COL14A1: variants seen among roughly 807,000 people sequenced by gnomAD.
The protein encoded by COL14A1 is collagen type XIV alpha 1 chain.
In COL14A1, 136 loss-of-function variants were observed where a neutral mutation model predicts 230.3. That is an observed-to-expected ratio of 0.59 (90% confidence interval 0.51 to 0.68). The LOEUF (loss-of-function observed/expected upper bound fraction) is 0.68, where lower values mean the gene tolerates loss of function less well. Among genes scored for constraint, COL14A1 ranks in the 30% least tolerant of loss-of-function variants. The pLI, the probability that COL14A1 is intolerant of heterozygous loss-of-function variation, is 0.00. For missense variants in COL14A1, 1,976 were observed against 2,215.8 expected (o/e 0.89, Z 2.17); for synonymous variants, 792 against 784.1 (o/e 1.01, Z -0.17).
At chr8:120,219,543 G>A (rs1032724630) in intron 14 of COL14A1, among the ~76,000 whole-genome samples, 1 of 152,182 alleles carries the variant, frequency 6.6e-6, no homozygotes, top group African/African-American at 2.4e-5. Flanking sequence ...CCTGGTGGAA[G>A]GAGCAGACAA....
chr8:120,345,956 C>T (rs1409312875), intron 45 of COL14A1, among the ~76,000 whole-genome samples: 1 of 152,208 alleles, frequency 6.6e-6, no homozygotes, highest in Non-Finnish European at 1.5e-5. Flanking sequence ...AAGCAGAGAA[C>T]TCACTCTGGT....
At chr8:120,193,293 G>C (rs1816897417) in intron 5 of COL14A1, among the ~76,000 whole-genome samples, 1 of 152,190 alleles carries the variant, frequency 6.6e-6, no homozygotes, top group Non-Finnish European at 1.5e-5. Flanking sequence ...AGGTCTGTTG[G>C]AGTTTGCTAG....
At chr8:120,156,803 T>G (rs2130514126) in intron 2 of COL14A1, among the ~76,000 whole-genome samples, 1 of 152,192 alleles carries the variant, frequency 6.6e-6, no homozygotes, top group East Asian at 1.9e-4. Flanking sequence ...GAAACTCAGG[T>G]TTTGGAAGAA....
rs35635525 is a variant in COL14A1 at position 120,328,397 on chromosome 8, AT to A, written c.4660-3731del. The stretch of plus-strand genomic sequence containing the variant: ...CACCAGGCAGAGCAATTTTTTTTTA[AT>A]TTTTTTTTTTTTGGTAGAGATAGGG... On this transcript the variant is annotated intron_variant, in intron 40 of 47. Coordinates refer to ENST00000297848, the MANE Select transcript of COL14A1 (RefSeq NM_021110.4). 2.6e-3 allele frequency among the ~76,000 whole-genome samples: 364 copies of A among 141,468 alleles called. 5 individuals carry two copies. Among genetic ancestry groups the A allele is most frequent in the South Asian group, 0.024 (105 of 4,454 alleles). The allele number at this position is 141,468 out of a possible 152,430, so 92.8% of individuals were successfully genotyped here. A position where few individuals can be genotyped will look rare whatever the true frequency, so the allele number is the denominator to read the frequency against.
chr8:120,132,628 G>T (rs372997904), intron 1 of COL14A1, among the ~76,000 whole-genome samples: 1 of 151,028 alleles, frequency 6.6e-6, no homozygotes, highest in East Asian at 1.9e-4. Context: ...CATTGAACCT[G>T]GATATTGTTT....
intron 15 of COL14A1, among the ~76,000 whole-genome samples, chr8:120,226,047 A>G (rs1000615875): frequency 7.9e-5 from 12 of 151,590 alleles, no homozygotes; most frequent in African/African-American, 2.2e-4. Flanking sequence ...CAATTCTTTG[A>G]TAATTTATTT....
intron 5 of COL14A1, among the ~76,000 whole-genome samples, chr8:120,175,521 G>T (rs1563652038): frequency 6.6e-6 from 1 of 152,048 alleles, no homozygotes; most frequent in African/African-American, 2.4e-5. Flanking sequence ...TTTTCTGGGG[G>T]AAAAATGAGA....
intron 1 of COL14A1, among the ~76,000 whole-genome samples, chr8:120,138,921 A>T (rs1814801389): frequency 6.6e-6 from 1 of 152,214 alleles, no homozygotes; most frequent in South Asian, 2.1e-4. Flanking sequence ...AGATATGAAC[A>T]TATATATAAA....
chr8:120,158,873 G>A (rs1444932953), intron 3 of COL14A1, among the ~76,000 whole-genome samples: 1 of 151,938 alleles, frequency 6.6e-6, no homozygotes, highest in Non-Finnish European at 1.5e-5. Flanking sequence ...CATATTTTAT[G>A]TTTTTATTAT....
At chr8:120,183,044 A>G (rs1025171484) in intron 5 of COL14A1, among the ~76,000 whole-genome samples, 8 of 152,134 alleles carry the variant, frequency 5.3e-5, no homozygotes, top group Admixed American at 2.0e-4. Flanking sequence ...AACTTTATGT[A>G]AAAATATATA....
At chr8:120,241,524 A>G (rs1818609543) in intron 19 of COL14A1, among the ~76,000 whole-genome samples, 1 of 152,208 alleles carries the variant, frequency 6.6e-6, no homozygotes, top group African/African-American at 2.4e-5. Context: ...TTATATTTCC[A>G]TCCCACTTAA....
intron 40 of COL14A1, among the ~76,000 whole-genome samples, chr8:120,324,672 T>C (rs1821595734): frequency 6.6e-6 from 1 of 152,110 alleles, no homozygotes; most frequent in Non-Finnish European, 1.5e-5. Context: ...CAGATCCCAC[T>C]CTAACCGAGA....
rs117283691 is a variant in COL14A1 at position 120,144,555 on chromosome 8, A to G, written c.-37-3251A>G. 4.3e-3 allele frequency among the ~76,000 whole-genome samples: 653 copies of G among 152,294 alleles called. 4 individuals carry two copies. The highest frequency in any genetic ancestry group is 6.7e-3 in the Non-Finnish European group (458 of 68,008). ...CAAGAACTTTTAAAAGTTTGACATA[A>G]CATATCTGAACTCAACTACCGTTAA... On this transcript the variant is annotated intron_variant, in intron 1 of 47. Transcript: ENST00000297848.
intron 33 of COL14A1, among the ~76,000 whole-genome samples, chr8:120,288,108 A>G (rs560024624): frequency 1.3e-5 from 2 of 152,210 alleles, no homozygotes; most frequent in South Asian, 2.1e-4. Flanking sequence ...TAAGTTTTCT[A>G]GCACCCAGTA....
intron 42 of COL14A1, among the ~76,000 whole-genome samples, chr8:120,339,000 T>A (rs903146362): frequency 6.6e-6 from 1 of 152,138 alleles, no homozygotes; most frequent in Non-Finnish European, 1.5e-5. Flanking sequence ...GGCAGGGGTG[T>A]GCTATGTAAA....
At chr8:120,285,181 C>T (rs917939402) in intron 32 of COL14A1, among the ~76,000 whole-genome samples, 7 of 151,072 alleles carry the variant, frequency 4.6e-5, no homozygotes, top group African/African-American at 1.2e-4. Flanking sequence ...CGGCCAGGCA[C>T]GGTGGCTCAC....
chr8:120,167,470 G>A (rs1379308271), intron 4 of COL14A1, among the ~76,000 whole-genome samples: 2 of 152,214 alleles, frequency 1.3e-5, no homozygotes, highest in Non-Finnish European at 2.9e-5. Context: ...AGCCTGAGGT[G>A]CTATTTGGCA....
intron 40 of COL14A1, among the ~76,000 whole-genome samples, chr8:120,320,884 G>A (rs1821415306): frequency 6.6e-6 from 1 of 152,118 alleles, no homozygotes; most frequent in Non-Finnish European, 1.5e-5. Context: ...CAATTATGAT[G>A]TTCTCTAGTC....
chr8:120,359,236 C>A (rs888826851), intron 45 of COL14A1, among the ~76,000 whole-genome samples: 1 of 152,036 alleles, frequency 6.6e-6, no homozygotes, highest in South Asian at 2.1e-4. Flanking sequence ...TTCCCCCAAC[C>A]CCCTGACAGC....
Sources: allele counts gnomAD v4.1 joint callset (sites outside exome capture counted in the v4.1 genomes callset), GRCh38; gene constraint gnomAD v4.1.1; transcripts MANE v1.5; gene names NCBI Gene and HGNC (gene_info 2026-07-23, HGNC 2026-07-21).